The following FGFR2 variants were observed in gnomAD, a reference collection of about 807,000 sequenced individuals.
FGFR2 encodes the protein BEK fibroblast growth factor receptor.
A neutral mutation model predicts 95.9 loss-of-function variants in FGFR2; 19 were observed. That is an observed-to-expected ratio of 0.20 (90% CI 0.14 to 0.29). The LOEUF is 0.29. Ranked by LOEUF, FGFR2 falls within the 10% of genes least tolerant of loss-of-function variation. The pLI is 1.00. For synonymous variants in FGFR2, 392 were observed against 393.3 expected (o/e 1.00, Z 0.04); for missense variants, 707 against 1,056.9 (o/e 0.67, Z 4.59).
intron 1 of FGFR2, chr10:121,594,213 C>T (rs921722119): frequency 7.1e-6 from 3 of 422,434 alleles, no homozygotes; most frequent in East Asian, 4.1e-5. Context: ...ACAGTAGCTA[C>T]AGGACTCAGA....
At chr10:121,573,314 A>G (rs1159845149) in intron 2 of FGFR2, among the ~76,000 whole-genome samples, 8 of 152,156 alleles carry the variant, frequency 5.3e-5, no homozygotes, top group Admixed American at 5.2e-4. Context: ...TCCCTCCATT[A>G]CTTTTCACAA....
At chr10:121,515,076 T>G in intron 9 of FGFR2, 41 bp downstream of exon 9, 2 of 1,588,116 alleles carry the variant, frequency 1.3e-6, no homozygotes, top group East Asian at 2.2e-5. Flanking sequence ...GGCTGGGTCA[T>G]GGGGGAGGAG....
intron 2 of FGFR2, among the ~76,000 whole-genome samples, chr10:121,574,775 G>T (rs1010252528): frequency 6.6e-6 from 1 of 152,154 alleles, no homozygotes; most frequent in Non-Finnish European, 1.5e-5. Context: ...TCTTTAAGGG[G>T]GCGAGGAAGG....
intron 2 of FGFR2, among the ~76,000 whole-genome samples, chr10:121,584,779 ACC>A (rs1861547696): frequency 1.8e-4 from 2 of 11,322 alleles, no homozygotes; most frequent in Non-Finnish European, 2.9e-4. Context: ...TCCATCCCGC[ACC>A]CCACCCCAAA....
At chr10:121,560,978 C>T (rs1342323630) in intron 4 of FGFR2, among the ~76,000 whole-genome samples, 2 of 152,174 alleles carry the variant, frequency 1.3e-5, no homozygotes, top group East Asian at 1.9e-4. Flanking sequence ...GAACCACTGC[C>T]CTAAGCTTCC....
At chr10:121,556,396 A>ACTCTCTCTCTCTCTCTCTCTCTCT (rs35668561) in intron 4 of FGFR2, among the ~76,000 whole-genome samples, 18 of 128,198 alleles carry the variant, frequency 1.4e-4, no homozygotes, top group African/African-American at 5.7e-4. Flanking sequence ...TTTATAATCT[A>ACTCTCTCTCTCTCTCTCTCTCTCT]CTCTCTCTCT....
intron 2 of FGFR2, among the ~76,000 whole-genome samples, chr10:121,582,521 G>A (rs1861102406): frequency 1.3e-5 from 2 of 152,138 alleles, no homozygotes; most frequent in African/African-American, 4.8e-5. Flanking sequence ...ACGGCCAGGT[G>A]CGGTGGTTCA....
At chr10:121,574,555 A>C (rs965949313) in intron 2 of FGFR2, among the ~76,000 whole-genome samples, 3 of 151,702 alleles carry the variant, frequency 2.0e-5, no homozygotes, top group Non-Finnish European at 4.4e-5. Context: ...ATAATAATTA[A>C]ATTAAAAAAT....
In FGFR2 at chr10:121,517,186, GATC is replaced by G. The variant is rs1849793657; in HGVS notation, c.1084+130_1084+132del. The G allele has an allele frequency of 1.0e-6, 1 of 986,000 alleles. No individual in the cohort carries two copies. Among genetic ancestry groups the G allele is most frequent in the East Asian group, 2.6e-5 (1 of 38,812 alleles). 61.1% of individuals were successfully genotyped at this position (986,000 alleles called of 1,614,324 possible). On this transcript the variant is annotated intron_variant, in intron 8 of 17. Coordinates refer to ENST00000358487, the MANE Select transcript of FGFR2 (RefSeq NM_000141.5). This position sits in a 1 kb window ranked among gnomAD's most constrained non-coding sequence, Gnocchi z 4.7. ...CAAGGCAGTTTTCTTATCCCTGAGG[GATC>G]ATTTTTAACATTTTTTATATCTTTA...
At chr10:121,513,834 A>G (rs533424997) in intron 9 of FGFR2, among the ~76,000 whole-genome samples, 69 of 152,288 alleles carry the variant, frequency 4.5e-4, no homozygotes, top group African/African-American at 1.6e-3. Flanking sequence ...TGCTTGAAAC[A>G]TGGCTTTAGA....
chr10:121,521,266 T>A (rs1850503998), intron 6 of FGFR2, among the ~76,000 whole-genome samples: 1 of 152,212 alleles, frequency 6.6e-6, no homozygotes, highest in Non-Finnish European at 1.5e-5. Context: ...AGAGATGGTA[T>A]CCCAAAATTA....
At chr10:121,507,196 G>C (rs1277151217) in intron 9 of FGFR2, among the ~76,000 whole-genome samples, 1 of 152,232 alleles carries the variant, frequency 6.6e-6, no homozygotes, top group Non-Finnish European at 1.5e-5. Flanking sequence ...TGTGCGGTCA[G>C]ATTGTCAGGG....
Position 121,517,087 on chromosome 10 carries a change from T to G in FGFR2, c.1084+232A>C. On this transcript the variant is annotated intron_variant, in intron 8 of 17. Coordinates refer to ENST00000358487, the MANE Select transcript of FGFR2 (RefSeq NM_000141.5). This position sits in a 1 kb window ranked among gnomAD's most constrained non-coding sequence, Gnocchi z 4.7. ...TCAATGACTCACTAAAAATATGAGA[T>G]CCCTTCAGGTTTTAAGGGTGAAATT... The G allele has an allele frequency of 1.7e-6, 1 of 576,462 alleles. No individual in the cohort carries two copies. Among genetic ancestry groups the G allele is most frequent in the Non-Finnish European group, 3.1e-6 (1 of 325,096 alleles). The allele number at this position is 576,462 out of a possible 1,614,324, so 35.7% of individuals were successfully genotyped here. A position where few individuals can be genotyped will look rare whatever the true frequency, so the allele number is the denominator to read the frequency against.
chr10:121,508,483 G>T (rs1337721943), intron 9 of FGFR2, among the ~76,000 whole-genome samples: 1 of 152,036 alleles, frequency 6.6e-6, no homozygotes, highest in Non-Finnish European at 1.5e-5. Context: ...GACCCCAAAG[G>T]AATCTGCATC....
chr10:121,532,946 C>T (rs749312763), intron 6 of FGFR2, among the ~76,000 whole-genome samples: 17 of 152,176 alleles, frequency 1.1e-4, no homozygotes, highest in African/African-American at 3.4e-4. Flanking sequence ...GCTGATCTGC[C>T]GCCATCAAGT....
At chr10:121,545,481 C>A (rs532902319) in intron 5 of FGFR2, among the ~76,000 whole-genome samples, 149 of 152,270 alleles carry the variant, frequency 9.8e-4, no homozygotes, top group Middle Eastern at 3.4e-3. Flanking sequence ...AAGGACTGAG[C>A]AACTTGCTCC....
chr10:121,525,809 G>T (rs41295529), intron 6 of FGFR2, among the ~76,000 whole-genome samples: 1 of 152,128 alleles, frequency 6.6e-6, no homozygotes, highest in Non-Finnish European at 1.5e-5. Flanking sequence ...CCACCGAGCC[G>T]AGAGGCCTCA....
At chr10:121,556,464 T>A (rs1272324433) in intron 4 of FGFR2, among the ~76,000 whole-genome samples, 1 of 146,974 alleles carries the variant, frequency 6.8e-6, no homozygotes, top group Non-Finnish European at 1.5e-5. Context: ...CACGGCCCAA[T>A]GATTTAAAGG....
chr10:121,527,950 GC>G (rs1851609154), intron 6 of FGFR2: 1 of 152,306 alleles, frequency 6.6e-6, no homozygotes, highest in African/African-American at 2.4e-5. Context: ...AAGATTATCA[GC>G]TGGTGTCTGC....
Sources: allele counts gnomAD v4.1 joint callset (sites outside exome capture counted in the v4.1 genomes callset), GRCh38; gene constraint gnomAD v4.1.1; non-coding constraint Gnocchi (gnomAD v3.1); transcripts MANE v1.5; gene names NCBI Gene and HGNC (gene_info 2026-07-23, HGNC 2026-07-21).